Variants in CCDC171 observed in about 807,000 individuals in gnomAD.
CCDC171 encodes the protein coiled-coil domain-containing protein 171.
A neutral mutation model predicts 168.2 loss-of-function variants in CCDC171; 177 were observed. The ratio of observed to expected loss-of-function variants is 1.05; its 90% CI spans 0.93 to 1.19. The LOEUF is 1.19. Ranked by LOEUF, CCDC171 falls within the 50% of genes most tolerant of loss-of-function variation. CCDC171 has a pLI of 0.00. For missense variants in CCDC171, 1,991 were observed against 1,539.0 expected, an observed-to-expected ratio of 1.29 and a Z score of -4.91; for synonymous variants, 687 against 540.8, an observed-to-expected ratio of 1.27 and a Z score of -3.75.
intron 11 of CCDC171, among the ~76,000 whole-genome samples, chr9:15,707,922 A>C (rs2052368643): frequency 6.6e-6 from 1 of 152,204 alleles, no homozygotes; most frequent in African/African-American, 2.4e-5. Context: ...ATCCTGGCTC[A>C]CTGCAACCTC....
chr9:16,004,220 A>T (rs550300723), intron 3 of CCDC171, among the ~76,000 whole-genome samples: 1 of 152,320 alleles, frequency 6.6e-6, no homozygotes, highest in African/African-American at 2.4e-5. Context: ...ACACAAGCCA[A>T]TAGTGAAGGC....
intron 21 of CCDC171, among the ~76,000 whole-genome samples, chr9:15,829,338 C>T (rs2060138443): frequency 6.6e-6 from 1 of 152,068 alleles, no homozygotes; most frequent in East Asian, 1.9e-4. Context: ...TACATGATAA[C>T]TTGAGGGAAG....
intron 18 of CCDC171, among the ~76,000 whole-genome samples, chr9:15,774,246 T>TAAAAAAAAAA (rs56239417): frequency 2.6e-5 from 1 of 37,986 alleles, no homozygotes; most frequent in Non-Finnish European, 4.6e-5. Flanking sequence ...ACGCTGTCTT[T>TAAAAAAAAAA]AAAAAAAAAA....
chr9:15,617,777 G>T (rs993648798), intron 6 of CCDC171, among the ~76,000 whole-genome samples: 1 of 152,134 alleles, frequency 6.6e-6, no homozygotes, highest in Non-Finnish European at 1.5e-5. Context: ...CAGTTTGCTG[G>T]ACTTCTGCAG....
At chr9:15,739,257 C>G (rs923944396) in intron 16 of CCDC171, among the ~76,000 whole-genome samples, 7 of 152,064 alleles carry the variant, frequency 4.6e-5, no homozygotes, top group Non-Finnish European at 1.0e-4. Context: ...GGCAAAGGAG[C>G]CGGGTGTTCT....
intron 25 of CCDC171, among the ~76,000 whole-genome samples, chr9:15,925,886 G>A (rs1308720274): frequency 6.6e-6 from 1 of 151,464 alleles, no homozygotes; most frequent in East Asian, 2.0e-4. Context: ...GAACTCACAC[G>A]TCTCTGTGTT....
At chr9:15,560,702 A>G (rs2039223964) in intron 1 of CCDC171, among the ~76,000 whole-genome samples, 1 of 152,038 alleles carries the variant, frequency 6.6e-6, no homozygotes, top group African/African-American at 2.4e-5. Flanking sequence ...GAAGTTTATT[A>G]TTACCCATCG....
intron 21 of CCDC171, among the ~76,000 whole-genome samples, chr9:15,802,859 T>G (rs1025814504): frequency 3.3e-5 from 5 of 152,168 alleles, no homozygotes. Flanking sequence ...TCAAACTAAT[T>G]TACACTCCCA....
intron 24 of CCDC171, chr9:15,888,037 G>C (rs1819665894): frequency 6.6e-6 from 1 of 152,206 alleles, no homozygotes. Context: ...GGTGACCCTA[G>C]GAGACTGTGC....
chr9:15,955,129 T>C (rs1255942120), intron 25 of CCDC171, among the ~76,000 whole-genome samples: 1 of 152,170 alleles, frequency 6.6e-6, no homozygotes, highest in African/African-American at 2.4e-5. Context: ...TATCTGTGTG[T>C]CAAGGATCAG....
chr9:15,857,268 G>C (rs1440898298), intron 23 of CCDC171, among the ~76,000 whole-genome samples: 1 of 151,698 alleles, frequency 6.6e-6, no homozygotes, highest in African/African-American at 2.4e-5. Flanking sequence ...TTTGTTTCTT[G>C]TGCTTTTAGT....
intron 21 of CCDC171, among the ~76,000 whole-genome samples, chr9:15,811,002 A>G (rs1054615987): frequency 3.3e-5 from 5 of 152,244 alleles, no homozygotes; most frequent in African/African-American, 1.2e-4. Flanking sequence ...TGTGGCTAGT[A>G]ACTGTCATAT....
chr9:15,803,097 C>G (rs529636982), intron 21 of CCDC171, among the ~76,000 whole-genome samples: 1 of 151,592 alleles, frequency 6.6e-6, no homozygotes, highest in Admixed American at 6.6e-5. Context: ...CACTTTTTAA[C>G]AGGGTTGGTT....
chr9:15,796,344 A>G (rs1003000647), intron 21 of CCDC171, among the ~76,000 whole-genome samples: 2 of 152,172 alleles, frequency 1.3e-5, no homozygotes, highest in Admixed American at 6.5e-5. Context: ...GAAAAAGAGA[A>G]TGAAACAGAT....
chr9:15,919,614 A>G (rs1825029232), intron 24 of CCDC171, among the ~76,000 whole-genome samples: 1 of 151,652 alleles, frequency 6.6e-6, no homozygotes, highest in Non-Finnish European at 1.5e-5. Flanking sequence ...AAAATTCTAT[A>G]AAATATGATT....
intron 4 of CCDC171, among the ~76,000 whole-genome samples, chr9:15,579,595 T>C (rs1436041189): frequency 6.6e-6 from 1 of 152,178 alleles, no homozygotes. Flanking sequence ...GATAGCGATA[T>C]CACTCATAAC....
chr9:15,649,850 A>C (rs909155655), intron 7 of CCDC171, among the ~76,000 whole-genome samples: 1 of 152,236 alleles, frequency 6.6e-6, no homozygotes, highest in Non-Finnish European at 1.5e-5. Flanking sequence ...GCAATTCCTC[A>C]AGGATCTAAA....
At chr9:15,901,096 A>T (rs1382850206) in intron 24 of CCDC171, among the ~76,000 whole-genome samples, 1 of 152,232 alleles carries the variant, frequency 6.6e-6, no homozygotes, top group Non-Finnish European at 1.5e-5. Context: ...AAAATTTTAA[A>T]GGTATGATTT....
rs1827896938 is a variant in CCDC171 at position 15,942,981 on chromosome 9, T to A, written c.3753+22559T>A. On this transcript the variant is annotated intron_variant, in intron 25 of 25. Coordinates refer to ENST00000380701, the MANE Select transcript of CCDC171 (RefSeq NM_173550.4). ...GAGAATAGCTCTGAACTCTGAGCTT[T>A]AACTGCTGAACCCAAACCAAGCCGT... 3.9e-5 allele frequency among the ~76,000 whole-genome samples: 6 copies of A among 152,130 alleles called. No homozygotes were observed. The South Asian group carries it at 1.2e-3, about 32-fold the overall frequency.
Sources: gnomAD v4.1 joint callset for allele counts (sites outside exome capture counted in the v4.1 genomes callset) on GRCh38, gnomAD v4.1.1 for gene constraint, MANE v1.5 for transcripts, NCBI Gene and HGNC (gene_info 2026-07-23, HGNC 2026-07-21) for gene names.